The following ANKS1B variants were observed in gnomAD, a reference collection of about 807,000 sequenced individuals.
ANKS1B encodes the protein ankyrin repeat and sterile alpha motif domain-containing protein 1B.
Under a neutral mutation model 148.3 loss-of-function variants are expected in ANKS1B, and 36 were observed. The observed-to-expected ratio is 0.24, with a 90% CI of 0.19 to 0.32. The LOEUF is 0.32. Ranked by LOEUF, ANKS1B falls within the 10% of genes least tolerant of loss-of-function variation. The pLI, the probability that ANKS1B is intolerant of heterozygous loss-of-function variation, is 1.00. For missense variants in ANKS1B, 1,157 were observed against 1,542.6 expected (o/e 0.75, Z 4.19); for synonymous variants, 542 against 560.8 (o/e 0.97, Z 0.47).
chr12:99,520,870 C>T (rs2096868668), intron 9 of ANKS1B, among the ~76,000 whole-genome samples: 1 of 152,282 alleles, frequency 6.6e-6, no homozygotes, highest in Admixed American at 6.5e-5. Context: ...GATCTCAGCT[C>T]ACTGCAACCT....
intron 9 of ANKS1B, among the ~76,000 whole-genome samples, chr12:99,525,873 T>C (rs1567274088): frequency 6.6e-6 from 1 of 151,910 alleles, no homozygotes; most frequent in Non-Finnish European, 1.5e-5. Flanking sequence ...GAAACTAAAA[T>C]ATCATAAAGA....
intron 8 of ANKS1B, among the ~76,000 whole-genome samples, chr12:99,670,612 A>G (rs917923704): frequency 9.9e-5 from 15 of 152,182 alleles, no homozygotes; most frequent in Non-Finnish European, 2.1e-4. Context: ...AGGTGTAAAG[A>G]CACATATCTA....
chr12:99,454,445 C>G (rs1284710900), intron 10 of ANKS1B, among the ~76,000 whole-genome samples: 1 of 152,172 alleles, frequency 6.6e-6, no homozygotes, highest in African/African-American at 2.4e-5. Context: ...TTGGTCTTAT[C>G]TACACCAGAG....
At chr12:99,090,315 T>C (rs774556923) in intron 15 of ANKS1B, among the ~76,000 whole-genome samples, 1 of 152,322 alleles carries the variant, frequency 6.6e-6, no homozygotes. Context: ...CAAGCTTTCC[T>C]TCATATTATA....
chr12:99,025,195 C>T (rs2099948061), intron 17 of ANKS1B, among the ~76,000 whole-genome samples: 1 of 152,186 alleles, frequency 6.6e-6, no homozygotes, highest in African/African-American at 2.4e-5. Flanking sequence ...TACATTTTCT[C>T]TTCATCTGCC....
chr12:99,151,509 C>A (rs2074893845), intron 15 of ANKS1B, among the ~76,000 whole-genome samples: 2 of 139,536 alleles, frequency 1.4e-5, no homozygotes, highest in African/African-American at 2.7e-5. Flanking sequence ...GCCTGGGTAA[C>A]AAAGTGAGAC....
chr12:99,386,369 T>C (rs1196042586), intron 12 of ANKS1B: 2 of 152,202 alleles, frequency 1.3e-5, no homozygotes, highest in African/African-American at 2.4e-5. Flanking sequence ...TCATCACTAA[T>C]ATGTTGAAAG....
intron 17 of ANKS1B, among the ~76,000 whole-genome samples, chr12:98,839,803 A>G (rs1309576888): frequency 6.6e-6 from 1 of 152,170 alleles, no homozygotes; most frequent in Non-Finnish European, 1.5e-5. Context: ...AGATCCACCT[A>G]AAGCCTTGCT....
intron 10 of ANKS1B, among the ~76,000 whole-genome samples, chr12:99,489,329 A>T (rs1392652040): frequency 6.6e-6 from 1 of 152,134 alleles, no homozygotes; most frequent in Admixed American, 6.6e-5. Context: ...AAAGAAAGAA[A>T]ATACATCAGA....
At chr12:99,582,548 G>A (rs916952621) in intron 9 of ANKS1B, among the ~76,000 whole-genome samples, 2 of 152,150 alleles carry the variant, frequency 1.3e-5, no homozygotes, top group Admixed American at 6.5e-5. Flanking sequence ...GGATGAACCT[G>A]AAAACATTAT....
chr12:99,230,370 T>C (rs1243598250), intron 14 of ANKS1B, among the ~76,000 whole-genome samples: 1 of 152,122 alleles, frequency 6.6e-6, no homozygotes, highest in East Asian at 1.9e-4. Flanking sequence ...TGATCATATA[T>C]CAGAGACATG....
At chr12:99,729,407 G>A (rs562535232) in intron 8 of ANKS1B, among the ~76,000 whole-genome samples, 106 of 152,028 alleles carry the variant, frequency 7.0e-4, no homozygotes, top group African/African-American at 2.3e-3. Flanking sequence ...TTTTCTTCTG[G>A]CAATTTAAAT....
chr12:99,757,867 C>T (rs1340674512), intron 8 of ANKS1B, among the ~76,000 whole-genome samples: 2 of 151,936 alleles, frequency 1.3e-5, no homozygotes, highest in Non-Finnish European at 2.9e-5. Flanking sequence ...CATATTCTCA[C>T]TTGTAAGTGG....
chr12:99,167,171 G>C (rs191349903), intron 14 of ANKS1B, among the ~76,000 whole-genome samples: 7 of 151,802 alleles, frequency 4.6e-5, no homozygotes, highest in African/African-American at 1.7e-4. Context: ...AGAAAACTTA[G>C]AAAAAAACTT....
At chr12:98,966,913 T>A (rs2099878520) in intron 17 of ANKS1B, among the ~76,000 whole-genome samples, 1 of 139,488 alleles carries the variant, frequency 7.2e-6, no homozygotes, top group African/African-American at 2.6e-5. Context: ...GGGGGAGGGA[T>A]AACAGTAGGA....
chr12:99,978,289 A>T (rs192783068), intron 1 of ANKS1B, among the ~76,000 whole-genome samples: 1 of 152,348 alleles, frequency 6.6e-6, no homozygotes, highest in Non-Finnish European at 1.5e-5. Flanking sequence ...GTTGAGTAGT[A>T]GTCACTGGCT....
chr12:99,289,355 G>T (rs1025281526), intron 12 of ANKS1B, among the ~76,000 whole-genome samples: 1 of 151,986 alleles, frequency 6.6e-6, no homozygotes, highest in Non-Finnish European at 1.5e-5. Context: ...ACATTGGACA[G>T]ATCATCCAGA....
chr12:98,758,377 A>T (rs942769146), intron 25 of ANKS1B, among the ~76,000 whole-genome samples: 3 of 125,142 alleles, frequency 2.4e-5, no homozygotes, highest in Non-Finnish European at 6.0e-5. Flanking sequence ...AAGATAAAAT[A>T]AAAAAAATTC....
intron 9 of ANKS1B, among the ~76,000 whole-genome samples, chr12:99,555,875 G>T (rs983544662): frequency 2.6e-5 from 4 of 152,144 alleles, no homozygotes; most frequent in Non-Finnish European, 5.9e-5. Flanking sequence ...TGTTCATCAA[G>T]GATATTGGCC....
Sources: gnomAD v4.1 joint callset for allele counts (sites outside exome capture counted in the v4.1 genomes callset) on GRCh38, gnomAD v4.1.1 for gene constraint, MANE v1.5 for transcripts, NCBI Gene and HGNC (gene_info 2026-07-23, HGNC 2026-07-21) for gene names.